JAK3: variants seen among roughly 807,000 people sequenced by gnomAD.
JAK3 encodes Janus kinase 3.
A neutral mutation model predicts 120.8 loss-of-function variants in JAK3; 88 were observed. The ratio of observed to expected loss-of-function variants is 0.73; its 90% CI spans 0.61 to 0.87. The LOEUF (loss-of-function observed/expected upper bound fraction) is 0.87, where lower values mean the gene tolerates loss of function less well. JAK3 is among the 40% of genes least tolerant of loss of function. The pLI, the probability that JAK3 is intolerant of heterozygous loss-of-function variation, is 0.00. For missense variants in JAK3, 1,254 were observed against 1,501.4 expected (o/e 0.84, Z 2.72); for synonymous variants, 592 against 628.6 (o/e 0.94, Z 0.87).
Position 17,843,517 on chromosome 19 carries a change from G to A in JAK3, c.309-26C>T. On this transcript the variant is annotated intron_variant, in intron 3 of 23. Coordinates refer to ENST00000458235, the MANE Select transcript of JAK3 (RefSeq NM_000215.4). This position sits in a 1 kb window ranked among gnomAD's most constrained non-coding sequence, Gnocchi z 5.4. ...CTGTGAGGAGAGGAGAGAACCCTGG[G>A]ATGAAAGTGCAACCCAGCCTCAGTA... 6.6e-7 allele frequency: 1 copy of A among 1,513,942 alleles called. No homozygotes were observed. The highest frequency in any genetic ancestry group is 9.0e-7 in the Non-Finnish European group (1 of 1,105,210). The allele number at this position is 1,513,942 out of a possible 1,614,324, so 93.8% of individuals were successfully genotyped here.
intron 17 of JAK3, among the ~76,000 whole-genome samples, chr19:17,833,775 C>T (rs2094218749): frequency 6.6e-6 from 1 of 152,022 alleles, no homozygotes; most frequent in Non-Finnish European, 1.5e-5. Context: ...ATTGCTTGAA[C>T]CAGGGAGGCA....
intron 23 of JAK3, among the ~76,000 whole-genome samples, chr19:17,829,139 A>AT (rs1020840900): frequency 2.3e-4 from 34 of 150,700 alleles, no homozygotes; most frequent in Non-Finnish European, 4.4e-4. Context: ...TAAAAAAATT[A>AT]TTTTTATCTT....
In JAK3 at chr19:17,837,991, C is replaced by T. The variant is rs1223128025; in HGVS notation, c.1642G>A (p.Ala548Thr). Residue 548 changes from alanine to threonine, a missense_variant, in exon 12 of 24, where the codon GCC becomes ACC. Physicochemically the swap from Ala to Thr is moderately conservative, Grantham distance 58. Transcript: ENST00000458235. ...TTCAGCAGCACCTCTGTCTTTCGGGCCTCCCCATCCACCACCTCATGGCGA... is the reference window on the plus strand; with the variant it reads ...TTCAGCAGCACCTCTGTCTTTCGGGTCTCCCCATCCACCACCTCATGGCGA... ...GCRHEVVDGE[A>T]RKTEVLLKVM... 1 of 1,614,024 alleles carries T rather than the reference C, an allele frequency of 6.2e-7. No homozygotes were observed. Among genetic ancestry groups the T allele is most frequent in the East Asian group, 2.2e-5 (1 of 44,896 alleles).
In JAK3 at chr19:17,842,219, T is replaced by C; in HGVS notation, c.861+97A>G. ...AGCCTCGCCCACTTCCCCAAGTCTT[T>C]CGTTTTGGCTCCGCCCCACATCCCC... On this transcript the variant is annotated intron_variant, in intron 6 of 23. Transcript: ENST00000458235. This position sits in a 1 kb window ranked among gnomAD's most constrained non-coding sequence, Gnocchi z 6.4. 1 of 1,307,364 alleles carries C rather than the reference T, an allele frequency of 7.6e-7. No individual in the cohort carries two copies. Among genetic ancestry groups the C allele is most frequent in the South Asian group, 1.5e-5 (1 of 65,156 alleles). The allele number at this position is 1,307,364 out of a possible 1,614,324, so 81.0% of individuals were successfully genotyped here.
rs1173356564 is a variant in JAK3 at position 17,842,532 on chromosome 19, C to T, written c.645G>A (p.Arg215=). The T allele has an allele frequency of 2.5e-6, 4 of 1,590,408 alleles. No individual in the cohort carries two copies. Among genetic ancestry groups the T allele is most frequent in the Non-Finnish European group, 3.4e-6 (4 of 1,169,328 alleles). Residue 215 remains arginine (R), a synonymous_variant, in exon 6 of 24, where the codon AGG becomes AGA. Transcript: ENST00000458235. The surrounding 1 kb of genome is among the most constrained non-coding windows in gnomAD (Gnocchi z 6.4). The part of the protein sequence containing the change: ...LSFVTRRRIR[R]TVRRALRRVA... Reference sequence around the variant, plus strand: ...CGCGGCGCAGGGCTCTGCGCACCGTCCTCCGAATACGCCTCCGCGTCACGA... The same window carrying T: ...CGCGGCGCAGGGCTCTGCGCACCGTTCTCCGAATACGCCTCCGCGTCACGA...
intron 9 of JAK3, 74 bp from the exon 10 acceptor site, chr19:17,839,737 T>A: frequency 4.2e-6 from 5 of 1,194,926 alleles, no homozygotes; most frequent in Non-Finnish European, 5.8e-6. Flanking sequence ...TCCTTTTTTT[T>A]CTTTTTTTTT....
chr19:17,843,791 C>T lies in JAK3; in HGVS notation c.294G>A (p.Leu98=), dbSNP rs2094245632. 1.2e-6 allele frequency: 2 copies of T among 1,613,548 alleles called. No homozygotes were observed. The highest frequency in any genetic ancestry group is 2.7e-5 in the African/African-American group (2 of 74,940). ...FSVEDASTQV[L]LYRIRFYFPN... Reference sequence around the variant, plus strand: ...GCACTTCCTACCGAATCCTGTACAGCAGGACTTGGGTGCTGGCATCCTCCA... The same window carrying T: ...GCACTTCCTACCGAATCCTGTACAGTAGGACTTGGGTGCTGGCATCCTCCA... The change falls in exon 3 of 24, where the codon CTG becomes CTA. Residue 98 remains leucine (L), a synonymous_variant. Coordinates refer to ENST00000458235, the MANE Select transcript of JAK3 (RefSeq NM_000215.4). This position sits in a 1 kb window ranked among gnomAD's most constrained non-coding sequence, Gnocchi z 5.4.
intron 12 of JAK3, 122 bp from the exon 13 acceptor site, chr19:17,837,335 G>A (rs2094226693): frequency 4.0e-6 from 3 of 750,716 alleles, no homozygotes; most frequent in Non-Finnish European, 7.1e-6. Context: ...TGGCCCTGGA[G>A]TCTGCCATTA....
In JAK3 at chr19:17,832,418, C is replaced by G. The variant is rs1010870287; in HGVS notation, c.2680+101G>C. On this transcript the variant is annotated intron_variant, in intron 19 of 23. Coordinates refer to ENST00000458235, the MANE Select transcript of JAK3 (RefSeq NM_000215.4). This position sits in a 1 kb window ranked among gnomAD's most constrained non-coding sequence, Gnocchi z 4.7. ...ACCCATGTGAATCTGGATCAATAAT[C>G]ACGTTCCCAGCCTACCTAAAGTGGC... The G allele has an allele frequency of 3.5e-6, 4 of 1,159,040 alleles. No individual in the cohort carries two copies. The African/African-American group carries it at 6.1e-5, about 18-fold the overall frequency. 71.8% of individuals were successfully genotyped at this position (1,159,040 alleles called of 1,614,324 possible).
intron 9 of JAK3, 72 bp from the exon 10 acceptor site, chr19:17,839,735 T>C: frequency 7.7e-7 from 1 of 1,290,808 alleles, no homozygotes; most frequent in Non-Finnish European, 1.1e-6. Context: ...CTTCCTTTTT[T>C]TTCTTTTTTT....
At chr19:17,830,299 G>T (rs1289784326) in intron 22 of JAK3, 81 bp from the exon 23 acceptor site, 3 of 1,146,308 alleles carry the variant, frequency 2.6e-6, no homozygotes, top group Non-Finnish European at 3.8e-6. Context: ...GTGGGGGTAG[G>T]GGCCATCTGT....
chr19:17,837,103 G>T, intron 13 of JAK3, 26 bp downstream of exon 13: 1 of 1,469,120 alleles, frequency 6.8e-7, no homozygotes, highest in Non-Finnish European at 9.3e-7. Context: ...AGGCAGGGGT[G>T]GGGTGGGTGG....
chr19:17,835,313 T>C, intron 14 of JAK3, 98 bp from the exon 15 acceptor site: 1 of 1,419,336 alleles, frequency 7.0e-7, no homozygotes, highest in Non-Finnish European at 9.5e-7. Context: ...CACTTGGTAC[T>C]GCTCAGACAT....
Position 17,831,649 on chromosome 19 carries a change from C to G in JAK3, c.2805+25G>C, listed in dbSNP as rs755684766. On this transcript the variant is annotated intron_variant, in intron 20 of 23. Coordinates refer to ENST00000458235, the MANE Select transcript of JAK3 (RefSeq NM_000215.4). The surrounding 1 kb of genome is among the most constrained non-coding windows in gnomAD (Gnocchi z 5.1). ...CCAGGCCGTGCCAGCTGAATCCCCA[C>G]AAGTCCCGGGGCGCCCCCTCGCACC... 6.3e-7 allele frequency: 1 copy of G among 1,598,364 alleles called. No individual in the cohort carries two copies. The highest frequency in any genetic ancestry group is 2.3e-5 in the East Asian group (1 of 44,192).
intron 23 of JAK3, chr19:17,829,847 A>T: frequency 1.7e-6 from 1 of 583,616 alleles, no homozygotes; most frequent in Non-Finnish European, 3.1e-6. Context: ...GAGCCCTCAT[A>T]GGCACAGGTG....
At chr19:17,830,758 T>C in intron 21 of JAK3, 138 bp from the exon 22 acceptor site, 1 of 652,298 alleles carries the variant, frequency 1.5e-6, no homozygotes, top group South Asian at 1.6e-5. Context: ...TCGGTTTCCC[T>C]GGCTGTGGGA....
chr19:17,838,867 C>T (rs1443388234), intron 10 of JAK3, among the ~76,000 whole-genome samples: 1 of 151,982 alleles, frequency 6.6e-6, no homozygotes, highest in Non-Finnish European at 1.5e-5. Flanking sequence ...AGGAGTGTGC[C>T]AGCACACCCA....
intron 1 of JAK3, among the ~76,000 whole-genome samples, chr19:17,844,810 AAAAGAAAG>A (rs545511218): frequency 2.5e-4 from 32 of 127,154 alleles, no homozygotes; most frequent in African/African-American, 6.1e-4. Flanking sequence ...AAAAAAAAAA[AAAAGAAAG>A]AAAGAAAGAA....
intron 10 of JAK3, 48 bp from the exon 11 acceptor site, chr19:17,838,438 G>T (rs750042200): frequency 6.2e-7 from 1 of 1,612,422 alleles, no homozygotes; most frequent in South Asian, 1.1e-5. Context: ...GAGGTGAAAA[G>T]TCCCCAAGGG....
Sources: gnomAD v4.1 joint callset for allele counts (sites outside exome capture counted in the v4.1 genomes callset) on GRCh38, gnomAD v4.1.1 for gene constraint, Gnocchi (gnomAD v3.1) non-coding constraint, MANE v1.5 for transcripts, NCBI Gene and HGNC (gene_info 2026-07-23, HGNC 2026-07-21) for gene names.